The following PCDHA13 variants were observed in gnomAD, a reference collection of about 807,000 sequenced individuals.
The protein encoded by PCDHA13 is protocadherin alpha 13.
PCDHA13 carries 54 observed loss-of-function variants against 64.8 expected under a neutral mutation model. The observed-to-expected ratio is 0.83, with a 90% confidence interval of 0.67 to 1.04. PCDHA13 has a LOEUF of 1.04. Among genes scored for constraint, PCDHA13 ranks in the 50% least tolerant of loss-of-function variants. The pLI, the probability that PCDHA13 is intolerant of heterozygous loss-of-function variation, is 0.00. For synonymous variants in PCDHA13, 587 were observed against 564.4 expected (o/e 1.04, Z -0.57); for missense variants, 1,248 against 1,254.3 (o/e 0.99, Z 0.08).
chr5:140,924,902 A>AAAAAT (rs1554202311), intron 1 of PCDHA13, among the ~76,000 whole-genome samples: 1 of 39,026 alleles, frequency 2.6e-5, no homozygotes, highest in Non-Finnish European at 6.3e-5. Context: ...CTCAAAAAAA[A>AAAAAT]AAATAAAATA....
At chr5:140,982,415 A>C (rs1291195577) in intron 2 of PCDHA13, 60 bp from the exon 3 acceptor site, 1 of 1,610,020 alleles carries the variant, frequency 6.2e-7, no homozygotes, top group African/African-American at 1.3e-5. Flanking sequence ...CTGAGGGTGG[A>C]AGAAGAGATG....
At chr5:140,934,988 C>A (rs901740982) in intron 1 of PCDHA13, among the ~76,000 whole-genome samples, 5 of 152,154 alleles carry the variant, frequency 3.3e-5, no homozygotes, top group Non-Finnish European at 7.4e-5. Context: ...AGTGATAACA[C>A]CCTGAATCCT....
chr5:141,007,416 AAATT>A (rs2098327486), intron 3 of PCDHA13, among the ~76,000 whole-genome samples: 1 of 149,348 alleles, frequency 6.7e-6, no homozygotes, highest in Non-Finnish European at 1.5e-5. Context: ...AAAAAAAAAA[AAATT>A]AGCCAGGCAT....
intron 1 of PCDHA13, among the ~76,000 whole-genome samples, chr5:140,963,165 A>G (rs775997183): frequency 2.6e-5 from 4 of 152,110 alleles, no homozygotes; most frequent in Non-Finnish European, 5.9e-5. Flanking sequence ...GACACATGCC[A>G]TCTTACAGAT....
At chr5:140,931,901 T>G (rs2087840006) in intron 1 of PCDHA13, among the ~76,000 whole-genome samples, 1 of 151,938 alleles carries the variant, frequency 6.6e-6, no homozygotes, top group South Asian at 2.1e-4. Flanking sequence ...TCAAATCATT[T>G]GAAAAGCATG....
intron 3 of PCDHA13, among the ~76,000 whole-genome samples, chr5:141,004,757 A>T (rs964370551): frequency 3.9e-5 from 6 of 152,164 alleles, no homozygotes; most frequent in African/African-American, 1.4e-4. Flanking sequence ...TCTCTTAGAG[A>T]CAGGACCTGT....
chr5:141,001,461 C>G (rs2098019350), intron 3 of PCDHA13, among the ~76,000 whole-genome samples: 1 of 152,214 alleles, frequency 6.6e-6, no homozygotes, highest in South Asian at 2.1e-4. Context: ...AATTGAAGGA[C>G]TAAGCAGCAG....
chr5:140,951,176 A>G (rs1392502599), intron 1 of PCDHA13, among the ~76,000 whole-genome samples: 1 of 151,676 alleles, frequency 6.6e-6, no homozygotes, highest in Non-Finnish European at 1.5e-5. Context: ...CTTTAAAGTC[A>G]TTGTCCGCTA....
In PCDHA13 at chr5:141,011,437, GA is replaced by G. The variant is rs1196462702; in HGVS notation, c.*1501del. The G allele has an allele frequency of 2.6e-5, 4 of 153,726 alleles. No homozygotes were observed. Among genetic ancestry groups the G allele is most frequent in the African/African-American group, 9.7e-5 (4 of 41,440 alleles). 9.5% of individuals were successfully genotyped at this position (153,726 alleles called of 1,614,324 possible). ...TGAATGTTAATGCAACTATTACCTA[GA>G]GTGAACTTTAAGCTTTATTGTTGAA... is the stretch of plus-strand genomic sequence containing the variant. On this transcript the variant is annotated 3_prime_UTR_variant, in exon 4 of 4. Transcript: ENST00000289272.
At chr5:140,889,872 G>A (rs1554184085) in intron 1 of PCDHA13, among the ~76,000 whole-genome samples, 1 of 152,140 alleles carries the variant, frequency 6.6e-6, no homozygotes, top group South Asian at 2.1e-4. Flanking sequence ...GGGGAAGCCT[G>A]CCACCATGTA....
chr5:140,976,037 T>C (rs1466922826), intron 1 of PCDHA13, among the ~76,000 whole-genome samples: 1 of 152,200 alleles, frequency 6.6e-6, no homozygotes, highest in Non-Finnish European at 1.5e-5. Context: ...ATTTCAACTG[T>C]GATTGAAATT....
At chr5:140,957,194 G>A (rs2095341106) in intron 1 of PCDHA13, among the ~76,000 whole-genome samples, 1 of 152,012 alleles carries the variant, frequency 6.6e-6, no homozygotes, top group Non-Finnish European at 1.5e-5. Context: ...TGACCGATTG[G>A]GAATATAAAT....
chr5:140,903,275 T>A (rs1313552617), intron 1 of PCDHA13, among the ~76,000 whole-genome samples: 1 of 152,210 alleles, frequency 6.6e-6, no homozygotes, highest in East Asian at 1.9e-4. Flanking sequence ...TGAGGTAGTG[T>A]CTCATTGTGC....
At chr5:140,979,563 C>T (rs1480899524) in intron 2 of PCDHA13, among the ~76,000 whole-genome samples, 1 of 152,174 alleles carries the variant, frequency 6.6e-6, no homozygotes, top group African/African-American at 2.4e-5. Context: ...GAAGATGAGC[C>T]ATGTAAAGGG....
At chr5:140,975,933 AG>A (rs1216240117) in intron 1 of PCDHA13, among the ~76,000 whole-genome samples, 1 of 152,194 alleles carries the variant, frequency 6.6e-6, no homozygotes, top group Non-Finnish European at 1.5e-5. Flanking sequence ...TAACCTTTGA[AG>A]CAATAGGACA....
intron 1 of PCDHA13, among the ~76,000 whole-genome samples, chr5:140,913,960 TA>T (rs201352444): frequency 2.0e-5 from 3 of 152,168 alleles, no homozygotes; most frequent in Non-Finnish European, 2.9e-5. Context: ...ATATCATTTT[TA>T]AAAAAATATT....
intron 1 of PCDHA13, chr5:140,966,746 C>T: frequency 1.4e-6 from 2 of 1,425,932 alleles, no homozygotes; most frequent in Non-Finnish European, 1.8e-6. Context: ...TGCCCGGCTG[C>T]CTCCGCCGCG....
At chr5:140,961,864 AG>A (rs2095638942) in intron 1 of PCDHA13, among the ~76,000 whole-genome samples, 3 of 151,832 alleles carry the variant, frequency 2.0e-5, no homozygotes, top group Non-Finnish European at 2.9e-5. Context: ...ATCTGGCCAC[AG>A]ATAATTGACT....
chr5:140,957,541 A>C (rs2153713960), intron 1 of PCDHA13, among the ~76,000 whole-genome samples: 1 of 152,298 alleles, frequency 6.6e-6, no homozygotes, highest in South Asian at 2.1e-4. Flanking sequence ...GATCTTAGAA[A>C]GTATTCTCTG....
Sources: gnomAD v4.1 joint callset for allele counts (sites outside exome capture counted in the v4.1 genomes callset) on GRCh38, gnomAD v4.1.1 for gene constraint, MANE v1.5 for transcripts, NCBI Gene and HGNC (gene_info 2026-07-23, HGNC 2026-07-21) for gene names.